LRCH1: variants seen among roughly 807,000 people sequenced by gnomAD.
The protein encoded by LRCH1 is leucine-rich repeat and calponin homology domain-containing protein 1.
In LRCH1, 23 loss-of-function variants were observed where a neutral mutation model predicts 94.9. That is an observed-to-expected ratio of 0.24 (90% confidence interval 0.17 to 0.34). The LOEUF is 0.34. Ranked by LOEUF, LRCH1 falls within the 10% of genes least tolerant of loss-of-function variation. The probability of loss-of-function intolerance (pLI) is 1.00; values close to 1 mark genes in which losing one functional copy is unlikely to be tolerated. For missense variants in LRCH1, 790 were observed against 945.9 expected, an observed-to-expected ratio of 0.84 and a Z score of 2.16; for synonymous variants, 364 against 354.9, an observed-to-expected ratio of 1.03 and a Z score of -0.29.
chr13:46,624,011 G>A (rs987237258), intron 1 of LRCH1, among the ~76,000 whole-genome samples: 1 of 151,860 alleles, frequency 6.6e-6, no homozygotes, highest in Non-Finnish European at 1.5e-5. Flanking sequence ...AGCCTCCTGA[G>A]CAGCTAGAAG....
At position 46,693,712 on chromosome 13, in the gene LRCH1, G is replaced by A. The variant is rs1168729907; in HGVS notation, c.1120+1071G>A. 3.3e-5 allele frequency among the ~76,000 whole-genome samples: 5 copies of A among 152,130 alleles called. No individual in the cohort carries two copies. The East Asian group carries it at 5.8e-4, about 18-fold the overall frequency. On this transcript the variant is annotated intron_variant, in intron 8 of 19. Transcript: ENST00000389797. Reference sequence around the variant, plus strand: ...TGTGCCTTCAAGATCCTTGTAATACGTTTCATATCTTGGTTGGAAGCCCTC... The same window carrying A: ...TGTGCCTTCAAGATCCTTGTAATACATTTCATATCTTGGTTGGAAGCCCTC...
At chr13:46,708,387 T>A (rs1464579585) in intron 13 of LRCH1, among the ~76,000 whole-genome samples, 13 of 150,272 alleles carry the variant, frequency 8.7e-5, no homozygotes, top group African/African-American at 3.2e-4. Flanking sequence ...TTCTCCTGCC[T>A]CAGCTTCCTG....
At chr13:46,560,699 C>T (rs916842206) in intron 1 of LRCH1, among the ~76,000 whole-genome samples, 1 of 151,796 alleles carries the variant, frequency 6.6e-6, no homozygotes, top group Admixed American at 6.6e-5. Context: ...AGAATTTTGC[C>T]ATGATATTTC....
chr13:46,617,051 C>A (rs936517186), intron 1 of LRCH1, among the ~76,000 whole-genome samples: 3 of 152,186 alleles, frequency 2.0e-5, no homozygotes, highest in African/African-American at 7.2e-5. Flanking sequence ...TTTTGTGGAT[C>A]TTCAGTTACT....
intron 2 of LRCH1, among the ~76,000 whole-genome samples, chr13:46,653,194 G>A (rs985035100): frequency 6.6e-6 from 1 of 152,166 alleles, no homozygotes; most frequent in African/African-American, 2.4e-5. Flanking sequence ...TTCAAATATG[G>A]TTTACAGTCT....
intron 13 of LRCH1, among the ~76,000 whole-genome samples, chr13:46,706,059 T>C (rs952138358): frequency 1.3e-5 from 2 of 152,222 alleles, no homozygotes; most frequent in African/African-American, 4.8e-5. Context: ...ACATGTACTA[T>C]AGTAAAGCGG....
chr13:46,672,364 G>T (rs755066308), intron 3 of LRCH1, among the ~76,000 whole-genome samples: 13 of 151,272 alleles, frequency 8.6e-5, no homozygotes, highest in Non-Finnish European at 1.8e-4. Flanking sequence ...TTGAGGTCCC[G>T]TGCAGATGGG....
At position 46,722,431 on chromosome 13, in the gene LRCH1, G is replaced by T. The variant is rs573781608; in HGVS notation, c.1760-790G>T. ...CATTAAAAAGTTAATTAAAACTCTT[G>T]CTGTAGTCATTCTCCGATGCATAGA... On this transcript the variant is annotated intron_variant, in intron 16 of 19. Transcript: ENST00000389797. Among the ~76,000 whole-genome samples the T allele has an allele frequency of 2.0e-5, 3 of 152,276 alleles. No individual in the cohort carries two copies. In the East Asian group the frequency reaches 5.8e-4, roughly 29 times the overall value.
chr13:46,688,051 C>A, intron 6 of LRCH1, 72 bp downstream of exon 6: 1 of 1,430,968 alleles, frequency 7.0e-7, no homozygotes, highest in African/African-American at 1.4e-5. Flanking sequence ...TAGCTGACTT[C>A]AAAATCTGTT....
At chr13:46,570,382 C>T (rs1317295826) in intron 1 of LRCH1, among the ~76,000 whole-genome samples, 1 of 152,096 alleles carries the variant, frequency 6.6e-6, no homozygotes, top group Non-Finnish European at 1.5e-5. Flanking sequence ...GGGTCCTTAT[C>T]CTGTGCTAAG....
At chr13:46,636,228 C>T (rs2051087749) in intron 1 of LRCH1, among the ~76,000 whole-genome samples, 1 of 151,812 alleles carries the variant, frequency 6.6e-6, no homozygotes, top group Non-Finnish European at 1.5e-5. Context: ...TGCCACATGC[C>T]TGGCTAATAT....
intron 1 of LRCH1, among the ~76,000 whole-genome samples, chr13:46,585,565 A>C (rs922762601): frequency 3.1e-4 from 47 of 149,828 alleles, no homozygotes; most frequent in South Asian, 6.4e-4. Flanking sequence ...AAAAAAAAAA[A>C]AAAAAACAAA....
intron 16 of LRCH1, among the ~76,000 whole-genome samples, chr13:46,717,266 A>G (rs911463264): frequency 3.9e-5 from 6 of 152,202 alleles, no homozygotes; most frequent in African/African-American, 1.4e-4. Flanking sequence ...TTGATTAAAA[A>G]TCCTTAAATT....
At position 46,558,625 on chromosome 13, in the gene LRCH1, C is replaced by T. The variant is rs551342649; in HGVS notation, c.307+4922C>T. ...CTGGGTTCCTGTAATCCCAGTTACT[C>T]GGGAGGCTGAGGCATGAGAATTGCT... is the stretch of plus-strand genomic sequence containing the variant. On this transcript the variant is annotated intron_variant, in intron 1 of 19. Transcript: ENST00000389797. 8.7e-4 allele frequency among the ~76,000 whole-genome samples: 115 copies of T among 132,478 alleles called. No homozygotes were observed. The Middle Eastern group carries it at 0.016, about 19-fold the overall frequency. 86.9% of individuals were successfully genotyped at this position (132,478 alleles called of 152,430 possible). A position where few individuals can be genotyped will look rare whatever the true frequency, so the allele number is the denominator to read the frequency against.
intron 10 of LRCH1, among the ~76,000 whole-genome samples, chr13:46,700,819 G>C (rs842396): frequency 0.78 from 119,033 of 152,136 alleles, 46,612 homozygotes; most frequent in African/African-American, 0.84. Flanking sequence ...AAAGCACAAC[G>C]GTGAAAGCCT....
intron 9 of LRCH1, 65 bp from the exon 10 acceptor site, chr13:46,699,271 A>G: frequency 1.6e-6 from 2 of 1,217,216 alleles, no homozygotes; most frequent in South Asian, 1.2e-5. Context: ...TGGGCTGGGC[A>G]GGTTTTGGCT....
rs781362748 is a variant in LRCH1 at position 46,705,450 on chromosome 13, A to G, written c.1527+146A>G. On this transcript the variant is annotated intron_variant, in intron 13 of 19. Transcript: ENST00000389797. ...AGATTTGTTCAGGACACATTTTTCAACTTGTTTATACGTTTGCCTCTTTAG... is the reference window on the plus strand; with the variant it reads ...AGATTTGTTCAGGACACATTTTTCAGCTTGTTTATACGTTTGCCTCTTTAG... 10 of 810,680 alleles carry G rather than the reference A, an allele frequency of 1.2e-5. No individual in the cohort carries two copies. The Admixed American group carries it at 1.4e-4, about 11-fold the overall frequency. The allele number at this position is 810,680 out of a possible 1,614,324, so 50.2% of individuals were successfully genotyped here. A position where few individuals can be genotyped will look rare whatever the true frequency, so the allele number is the denominator to read the frequency against.
chr13:46,626,841 C>A (rs915663802), intron 1 of LRCH1, among the ~76,000 whole-genome samples: 2 of 151,954 alleles, frequency 1.3e-5, no homozygotes, highest in Non-Finnish European at 2.9e-5. Context: ...TTTCACTAAC[C>A]GGTTTATGCA....
At chr13:46,646,030 CTG>C (rs1415600512) in intron 1 of LRCH1, among the ~76,000 whole-genome samples, 2 of 152,166 alleles carry the variant, frequency 1.3e-5, no homozygotes, top group African/African-American at 4.8e-5. Context: ...ACTTCCAGCA[CTG>C]TAGCACATCA....
Sources: allele counts gnomAD v4.1 joint callset (sites outside exome capture counted in the v4.1 genomes callset), GRCh38; gene constraint gnomAD v4.1.1; transcripts MANE v1.5; gene names NCBI Gene and HGNC (gene_info 2026-07-23, HGNC 2026-07-21).